LAMB4: variants seen among roughly 807,000 people sequenced by gnomAD.
The protein encoded by LAMB4 is laminin subunit beta 4, also known as laminin subunit beta-4.
LAMB4 carries 196 observed loss-of-function variants against 199.2 expected under a neutral mutation model. The ratio of observed to expected loss-of-function variants is 0.98; its 90% CI spans 0.88 to 1.11. LAMB4 has a LOEUF of 1.11. Ranked by LOEUF, LAMB4 falls within the 50% of genes least tolerant of loss-of-function variation. LAMB4 has a pLI of 0.00. For synonymous variants in LAMB4, 744 were observed against 770.6 expected, an observed-to-expected ratio of 0.97 and a Z score of 0.57; for missense variants, 2,080 against 2,171.2, an observed-to-expected ratio of 0.96 and a Z score of 0.83.
intron 13 of LAMB4, 151 bp from the exon 14 acceptor site, chr7:108,091,927 G>A (rs532295611): frequency 1.3e-6 from 1 of 791,774 alleles, no homozygotes; most frequent in Non-Finnish European, 2.0e-6. Flanking sequence ...AAAGGCCATG[G>A]GTTTAACATA....
In LAMB4 at chr7:108,076,995, A is replaced by C. The variant is rs1224089926; in HGVS notation, c.2073T>G (p.Ser691=). ...DVQYSIDVYF[S]QPLQGESHAH... ...CGTGGGACTCTCCTTGCAAAGGCTG[A>C]GAAAAATAGACATCTATGGAATATT... Residue 691 remains serine (S), a synonymous_variant, in exon 17 of 34, where the codon TCT becomes TCG. Transcript: ENST00000388781. 6.2e-7 allele frequency: 1 copy of C among 1,614,062 alleles called. No homozygotes were observed. The highest frequency in any genetic ancestry group is 1.7e-5 in the Admixed American group (1 of 60,022).
chr7:108,104,636 A>G lies in LAMB4; in HGVS notation c.871-17T>C. The G allele has an allele frequency of 1.2e-6, 2 of 1,611,744 alleles. No homozygotes were observed. Among genetic ancestry groups the G allele is most frequent in the Non-Finnish European group, 1.7e-6 (2 of 1,178,902 alleles). On this transcript the variant is annotated splice_polypyrimidine_tract_variant and intron_variant, in intron 8 of 33. Transcript: ENST00000388781. ...ACCGTGAACCTGCATTGTGCAATAA[A>G]TAGAGCGTTGAAAGAGGGCTTGTCC... is the stretch of plus-strand genomic sequence containing the variant.
rs1279393665 is a variant in LAMB4, at chr7:108,023,982, G to A, written c.*57C>T. On this transcript the variant is annotated 3_prime_UTR_variant, in exon 34 of 34. Coordinates refer to ENST00000388781, the MANE Select transcript of LAMB4 (RefSeq NM_007356.3). ...TTTCACAGGTTCAACAGAGCCCCAG[G>A]GGCTTGTACATCAGAAACCAGAAAC... The A allele has an allele frequency of 2.0e-6, 3 of 1,479,896 alleles. No homozygotes were observed. The Admixed American group carries it at 6.6e-5, about 33-fold the overall frequency. The allele number at this position is 1,479,896 out of a possible 1,614,324, so 91.7% of individuals were successfully genotyped here.
At chr7:108,045,592 G>T (rs1291292662) in intron 28 of LAMB4, among the ~76,000 whole-genome samples, 1 of 152,212 alleles carries the variant, frequency 6.6e-6, no homozygotes, top group Non-Finnish European at 1.5e-5. Context: ...TGATCAAGTG[G>T]CAATCAGGAC....
chr7:108,068,021 C>T lies in LAMB4; in HGVS notation c.2441G>A (p.Cys814Tyr), dbSNP rs1563062796. 6.2e-7 allele frequency: 1 copy of T among 1,614,154 alleles called. No homozygotes were observed. The highest frequency in any genetic ancestry group is 8.5e-7 in the Non-Finnish European group (1 of 1,180,012). The change falls in exon 19 of 34, where the codon TGT becomes TAT. Residue 814 changes from cysteine to tyrosine, a missense_variant. Cys to Tyr is a radical substitution (Grantham distance 194). Coordinates refer to ENST00000388781, the MANE Select transcript of LAMB4 (RefSeq NM_007356.3). ...TTGTGTGTTTTGCTACGTACGGTGA[C>T]AGCCGTGATGCCCCAAATCATAGCT... ...TGSYDLGHHG[C>Y]HPCHCHPQGS... is the part of the protein sequence containing the mutation.
chr7:108,119,716 A>C (rs1479763700), intron 2 of LAMB4, among the ~76,000 whole-genome samples: 7 of 152,162 alleles, frequency 4.6e-5, no homozygotes, highest in Admixed American at 4.6e-4. Flanking sequence ...ACATAAATCT[A>C]TATGGTGATA....
chr7:108,085,628 T>C (rs1471949762), intron 14 of LAMB4, among the ~76,000 whole-genome samples: 2 of 152,122 alleles, frequency 1.3e-5, no homozygotes, highest in African/African-American at 2.4e-5. Context: ...ATTTATTTTT[T>C]TTTGAGATGG....
intron 29 of LAMB4, among the ~76,000 whole-genome samples, chr7:108,042,615 A>C (rs577509528): frequency 6.6e-6 from 1 of 152,264 alleles, no homozygotes; most frequent in Admixed American, 6.5e-5. Context: ...ATTCTACCCC[A>C]TTCGTTTTTA....
chr7:108,022,138 T>C (rs1309824432), downstream of LAMB4, among the ~76,000 whole-genome samples: 4 of 152,232 alleles, frequency 2.6e-5, no homozygotes, highest in Non-Finnish European at 5.9e-5. Flanking sequence ...TTGTCCTTAG[T>C]TACATTTTCT....
chr7:108,055,608 C>G (rs764548184), intron 25 of LAMB4, 24 bp downstream of exon 25: 4 of 1,593,614 alleles, frequency 2.5e-6, no homozygotes, highest in Middle Eastern at 2.0e-4. Context: ...GTTTGGCTGT[C>G]TGTTACTTGA....
intron 25 of LAMB4, 152 bp from the exon 26 acceptor site, chr7:108,052,409 G>A: frequency 1.8e-6 from 1 of 567,706 alleles, no homozygotes; most frequent in Non-Finnish European, 3.0e-6. Context: ...GTTTATAATT[G>A]TGTTTATGTC....
At position 108,024,101 on chromosome 7, in the gene LAMB4, C is replaced by A. The variant is rs1437769351; in HGVS notation, c.5224G>T (p.Val1742Phe). 6.2e-7 allele frequency: 1 copy of A among 1,606,352 alleles called. No individual in the cohort carries two copies. Among genetic ancestry groups the A allele is most frequent in the Non-Finnish European group, 8.5e-7 (1 of 1,174,988 alleles). The change falls in exon 34 of 34, where the codon GTT (valine) becomes TTT (phenylalanine). Residue 1742 changes from valine (V) to phenylalanine (F), a missense_variant. Val to Phe is a conservative substitution (Grantham distance 50, BLOSUM62 -1). Transcript: ENST00000388781. ...ADQLRILEDQ[V>F]VAIKNEIVEQ... ...ACAATTTCATTTTTAATGGCAACAACTTGATCTTCCAATATTCTCAGTTGA... is the reference window on the plus strand; with the variant it reads ...ACAATTTCATTTTTAATGGCAACAAATTGATCTTCCAATATTCTCAGTTGA...
chr7:108,123,015 A>T, intron 2 of LAMB4, 116 bp downstream of exon 2: 1 of 824,850 alleles, frequency 1.2e-6, no homozygotes, highest in Non-Finnish European at 1.8e-6. Flanking sequence ...ACAACAGAAT[A>T]GCTACATAAG....
At position 108,093,361 on chromosome 7, in the gene LAMB4, G is replaced by A. The variant is rs181369715; in HGVS notation, c.1471-945C>T. Among the ~76,000 whole-genome samples the A allele has an allele frequency of 1.7e-3, 253 of 152,236 alleles. 1 individual carries two copies. The highest frequency in any genetic ancestry group is 4.1e-3 in the East Asian group (21 of 5,180). ...ATTACAGGCATGAGCCACCAGGCTCGGCCGTGTAACTGCTTTTAAAAAAAC... is the reference window on the plus strand; with the variant it reads ...ATTACAGGCATGAGCCACCAGGCTCAGCCGTGTAACTGCTTTTAAAAAAAC... On this transcript the variant is annotated intron_variant, in intron 12 of 33. Coordinates refer to ENST00000388781, the MANE Select transcript of LAMB4 (RefSeq NM_007356.3).
chr7:108,129,189 G>T (rs1336286886), intron 1 of LAMB4, among the ~76,000 whole-genome samples: 2 of 152,202 alleles, frequency 1.3e-5, no homozygotes, highest in Non-Finnish European at 2.9e-5. Context: ...AGGGCCATGT[G>T]GTGCCCATTT....
chr7:108,089,606 G>A (rs2037320561), intron 14 of LAMB4, among the ~76,000 whole-genome samples: 1 of 152,172 alleles, frequency 6.6e-6, no homozygotes, highest in Non-Finnish European at 1.5e-5. Context: ...ACCATCCTTA[G>A]CCTGGAGCTC....
At position 108,079,591 on chromosome 7, in the gene LAMB4, TA is replaced by T; in HGVS notation, c.1887+9del. On this transcript the variant is annotated intron_variant, in intron 15 of 33. Transcript: ENST00000388781. ...CTTTTCACCACCAAAGTTGGAGAGT[TA>T]AAGGATACCTGGGTTTCATAGTGAA... The T allele has an allele frequency of 6.3e-7, 1 of 1,593,902 alleles. No individual in the cohort carries two copies. Among genetic ancestry groups the T allele is most frequent in the Non-Finnish European group, 8.5e-7 (1 of 1,171,174 alleles).
intron 26 of LAMB4, among the ~76,000 whole-genome samples, chr7:108,050,772 A>T (rs181807408): frequency 6.6e-6 from 1 of 152,214 alleles, no homozygotes; most frequent in Admixed American, 6.5e-5. Flanking sequence ...TTCTTCTTTC[A>T]TTTTTATGGC....
At chr7:108,070,777 T>G (rs2036505990) in intron 17 of LAMB4, among the ~76,000 whole-genome samples, 2 of 152,300 alleles carry the variant, frequency 1.3e-5, no homozygotes. Context: ...ATATGTAGGT[T>G]TTTGACTGCA....
Sources: gnomAD v4.1 joint callset for allele counts (sites outside exome capture counted in the v4.1 genomes callset) on GRCh38, gnomAD v4.1.1 for gene constraint, MANE v1.5 for transcripts, NCBI Gene and HGNC (gene_info 2026-07-23, HGNC 2026-07-21) for gene names.